CSMD1: variants seen among roughly 807,000 people sequenced by gnomAD.
CSMD1 encodes CUB and Sushi multiple domains 1, also known as CUB and sushi domain-containing protein 1.
A neutral mutation model predicts 417.5 loss-of-function variants in CSMD1; 213 were observed. That is an observed-to-expected ratio of 0.51 (90% CI 0.46 to 0.57). CSMD1 has a LOEUF of 0.57. CSMD1 is among the 20% of genes least tolerant of loss of function. The pLI is 0.00. For synonymous variants in CSMD1, 2,862 were observed against 1,736.8 expected (o/e 1.65, Z -16.11); for missense variants, 6,923 against 4,529.7 (o/e 1.53, Z -15.17).
chr8:4,561,786 A>G (rs1038963818), intron 2 of CSMD1, among the ~76,000 whole-genome samples: 28 of 152,314 alleles, frequency 1.8e-4, no homozygotes, highest in African/African-American at 6.5e-4. Context: ...CTCTCATTTG[A>G]CTTGATGAGG....
intron 7 of CSMD1, among the ~76,000 whole-genome samples, chr8:3,695,898 A>T (rs749421323): frequency 1.3e-5 from 2 of 152,208 alleles, no homozygotes; most frequent in Non-Finnish European, 2.9e-5. Flanking sequence ...TACTCATTTG[A>T]TATCTTTCTA....
Position 4,032,084 on chromosome 8 carries a change from G to T in CSMD1, c.431C>A (p.Thr144Asn). The change falls in exon 4 of 70, where the codon ACT becomes AAT. Residue 144 changes from threonine (T) to asparagine (N), a missense_variant. Coordinates refer to ENST00000635120, the MANE Select transcript of CSMD1 (RefSeq NM_033225.6). ...KALYEVLPSH[T>N]CGNPGEILKG... ...CAGGATTTCTCCAGGATTTCCACAA[G>T]TGTGGCTAGGTAAAACTATTGGAAA... The T allele has an allele frequency of 2.5e-6, 4 of 1,611,242 alleles. No individual in the cohort carries two copies. Among genetic ancestry groups the T allele is most frequent in the South Asian group, 2.2e-5 (2 of 90,744 alleles).
At chr8:4,793,585 G>C (rs1797810425) in intron 1 of CSMD1, among the ~76,000 whole-genome samples, 1 of 151,724 alleles carries the variant, frequency 6.6e-6, no homozygotes, top group Non-Finnish European at 1.5e-5. Flanking sequence ...AAACTTTTTA[G>C]TTTGAGGCAT....
chr8:4,793,127 T>C (rs573552818), intron 1 of CSMD1, among the ~76,000 whole-genome samples: 13 of 152,104 alleles, frequency 8.5e-5, no homozygotes, highest in Non-Finnish European at 1.9e-4. Flanking sequence ...AAATATAGCA[T>C]AACAGGTCAG....
intron 1 of CSMD1, among the ~76,000 whole-genome samples, chr8:4,804,441 T>C (rs1041526857): frequency 1.9e-4 from 29 of 151,942 alleles, no homozygotes; most frequent in African/African-American, 6.5e-4. Context: ...GCCAGTCATA[T>C]ACAGACTTCG....
At chr8:4,591,452 A>G (rs1277922149) in intron 2 of CSMD1, among the ~76,000 whole-genome samples, 1 of 152,228 alleles carries the variant, frequency 6.6e-6, no homozygotes, top group African/African-American at 2.4e-5. Context: ...GCTGTTGAGC[A>G]AAAGCAAATG....
At chr8:4,244,088 G>A (rs939634088) in intron 3 of CSMD1, among the ~76,000 whole-genome samples, 1 of 152,184 alleles carries the variant, frequency 6.6e-6, no homozygotes, top group South Asian at 2.1e-4. Context: ...ACAGCTCTGT[G>A]CATCTGAAGA....
intron 5 of CSMD1, among the ~76,000 whole-genome samples, chr8:3,760,827 C>T (rs1168076535): frequency 6.6e-6 from 1 of 152,184 alleles, no homozygotes; most frequent in Non-Finnish European, 1.5e-5. Context: ...AGCCAGAAAG[C>T]ATTACTGCTA....
chr8:4,542,970 T>G (rs890349068), intron 2 of CSMD1, among the ~76,000 whole-genome samples: 2 of 152,206 alleles, frequency 1.3e-5, no homozygotes, highest in African/African-American at 4.8e-5. Flanking sequence ...ATTTGCAATT[T>G]ATAACCAGTG....
chr8:3,607,336 C>G (rs1421245011), intron 8 of CSMD1, among the ~76,000 whole-genome samples: 1 of 152,140 alleles, frequency 6.6e-6, no homozygotes, highest in Non-Finnish European at 1.5e-5. Context: ...CTGGATACCA[C>G]CTGAAGGACC....
intron 18 of CSMD1, among the ~76,000 whole-genome samples, chr8:3,382,423 ATATAT>A (rs1044567617): frequency 3.5e-5 from 5 of 142,082 alleles, no homozygotes; most frequent in South Asian, 4.3e-4. Flanking sequence ...ATAACACATA[ATATAT>A]TATATAATAA....
intron 18 of CSMD1, among the ~76,000 whole-genome samples, chr8:3,379,342 A>T (rs569399516): frequency 3.9e-5 from 6 of 152,372 alleles, no homozygotes; most frequent in South Asian, 4.1e-4. Flanking sequence ...TTATAGATTT[A>T]TTGCTATCCC....
At chr8:4,787,823 C>A (rs1797487564) in intron 1 of CSMD1, 1 of 1,572,894 alleles carries the variant, frequency 6.4e-7, no homozygotes, top group African/African-American at 1.3e-5. Context: ...GCTACACAGG[C>A]TATATTTGAA....
intron 1 of CSMD1, among the ~76,000 whole-genome samples, chr8:4,845,339 G>T (rs1475776627): frequency 6.6e-6 from 1 of 152,194 alleles, no homozygotes; most frequent in Non-Finnish European, 1.5e-5. Context: ...ACACTAGCTA[G>T]CCAGGGGATA....
chr8:4,428,783 G>A (rs564655971), intron 2 of CSMD1, among the ~76,000 whole-genome samples: 1 of 152,074 alleles, frequency 6.6e-6, no homozygotes, highest in Non-Finnish European at 1.5e-5. Flanking sequence ...GCAGTGGCGT[G>A]ATCTTGGCTC....
intron 1 of CSMD1, among the ~76,000 whole-genome samples, chr8:4,705,735 T>C (rs566477041): frequency 7.2e-5 from 11 of 152,318 alleles, no homozygotes; most frequent in African/African-American, 2.6e-4. Flanking sequence ...ACATTACAAA[T>C]ATAATCTAAC....
Position 4,566,192 on chromosome 8 carries a change from T to A in CSMD1, c.302+71150A>T, listed in dbSNP as rs377210902. On this transcript the variant is annotated intron_variant, in intron 2 of 69. Transcript: ENST00000635120. ...AATGATGAGATTGATCCATCTACAA[T>A]AGACCATGCTAGTCAAAATGTATAC... Among the ~76,000 whole-genome samples the A allele has an allele frequency of 8.2e-4, 125 of 152,232 alleles. No individual in the cohort carries two copies. The South Asian group carries it at 9.7e-3, about 12-fold the overall frequency.
intron 25 of CSMD1, among the ~76,000 whole-genome samples, chr8:3,294,284 G>A (rs1042102561): frequency 3.9e-5 from 6 of 152,198 alleles, no homozygotes; most frequent in Admixed American, 3.9e-4. Flanking sequence ...ACCCCCTTGA[G>A]GAGGCAGTCT....
intron 5 of CSMD1, among the ~76,000 whole-genome samples, chr8:3,914,697 G>A (rs1808695618): frequency 6.6e-6 from 1 of 152,088 alleles, no homozygotes; most frequent in African/African-American, 2.4e-5. Flanking sequence ...CAAGTTGAAA[G>A]ATGTCTTTAT....
Sources: allele counts gnomAD v4.1 joint callset (sites outside exome capture counted in the v4.1 genomes callset), GRCh38; gene constraint gnomAD v4.1.1; transcripts MANE v1.5; gene names NCBI Gene and HGNC (gene_info 2026-07-23, HGNC 2026-07-21).